The following ERC1 variants were observed in gnomAD, a reference collection of about 807,000 sequenced individuals.
ERC1 encodes RAB6 interacting protein 2.
In ERC1, 56 loss-of-function variants were observed where a neutral mutation model predicts 132.0. That is an observed-to-expected ratio of 0.42 (90% CI 0.34 to 0.53). The LOEUF is 0.53. Ranked by LOEUF, ERC1 falls within the 20% of genes least tolerant of loss-of-function variation. The pLI, the probability that ERC1 is intolerant of heterozygous loss-of-function variation, is 0.03. For missense variants in ERC1, 1,202 were observed against 1,349.9 expected, an observed-to-expected ratio of 0.89 and a Z score of 1.72; for synonymous variants, 478 against 476.1, an observed-to-expected ratio of 1.00 and a Z score of -0.05.
At chr12:1,017,493 G>C (rs982168305) in intron 1 of ERC1, among the ~76,000 whole-genome samples, 1 of 144,160 alleles carries the variant, frequency 6.9e-6, no homozygotes, top group African/African-American at 2.5e-5. Flanking sequence ...TGTTGTTCTG[G>C]TATTTTTTTT....
intron 7 of ERC1, among the ~76,000 whole-genome samples, chr12:1,130,973 A>G (rs1276984619): frequency 2.6e-5 from 4 of 152,180 alleles, no homozygotes; most frequent in African/African-American, 9.7e-5. Context: ...AAATTCAGTT[A>G]TTTAACTGTT....
chr12:1,184,632 A>T (rs1954866082), intron 11 of ERC1, among the ~76,000 whole-genome samples: 1 of 152,232 alleles, frequency 6.6e-6, no homozygotes, highest in African/African-American at 2.4e-5. Context: ...TTTATAGCTT[A>T]AGAATGTATA....
At chr12:1,023,831 A>G (rs1198771330) in intron 1 of ERC1, among the ~76,000 whole-genome samples, 1 of 152,180 alleles carries the variant, frequency 6.6e-6, no homozygotes, top group African/African-American at 2.4e-5. Context: ...TATTATAGAC[A>G]GAAGTTAAAA....
intron 7 of ERC1, among the ~76,000 whole-genome samples, chr12:1,135,876 G>C (rs771373458): frequency 1.3e-5 from 2 of 152,198 alleles, no homozygotes; most frequent in Admixed American, 6.5e-5. Flanking sequence ...TCCTTTGTTA[G>C]GGCAGTCCTA....
intron 17 of ERC1, among the ~76,000 whole-genome samples, chr12:1,419,635 G>T (rs2154399147): frequency 6.6e-6 from 1 of 151,750 alleles, no homozygotes; most frequent in East Asian, 1.9e-4. Context: ...AAAACCTTGT[G>T]AAAAACCAAA....
In ERC1 at chr12:1,010,926, C is replaced by T. The variant is rs533266944; in HGVS notation, c.-156-16822C>T. Among the ~76,000 whole-genome samples the T allele has an allele frequency of 8.5e-5, 13 of 152,286 alleles. No homozygotes were observed. The South Asian group carries it at 2.7e-3, about 32-fold the overall frequency. On this transcript the variant is annotated intron_variant, in intron 1 of 18. Coordinates refer to ENST00000360905, the MANE Select transcript of ERC1 (RefSeq NM_178040.4). ...CAGAAACATGTTTATAATGCGTACC[C>T]ATGCGTTATATACACAGTGTGTACT...
At chr12:1,095,355 G>C (rs1943881323) in intron 3 of ERC1, among the ~76,000 whole-genome samples, 1 of 149,870 alleles carries the variant, frequency 6.7e-6, no homozygotes, top group Non-Finnish European at 1.5e-5. Flanking sequence ...GCTTGAACTC[G>C]GGAGGTGGAG....
At chr12:1,061,914 A>G (rs1196996298) in intron 2 of ERC1, among the ~76,000 whole-genome samples, 1 of 150,322 alleles carries the variant, frequency 6.7e-6, no homozygotes, top group East Asian at 1.9e-4. Flanking sequence ...TTATTGCTGT[A>G]AACCCCCCTC....
chr12:1,017,648 G>A (rs1020550812), intron 1 of ERC1, among the ~76,000 whole-genome samples: 2 of 151,752 alleles, frequency 1.3e-5, no homozygotes, highest in South Asian at 2.1e-4. Context: ...AGAGGCGTGC[G>A]CTATCACACC....
intron 16 of ERC1, among the ~76,000 whole-genome samples, chr12:1,383,006 T>A (rs1399254302): frequency 6.6e-6 from 1 of 152,182 alleles, no homozygotes; most frequent in Non-Finnish European, 1.5e-5. Flanking sequence ...CTGTTGCATT[T>A]TTTTGTCGTC....
chr12:1,404,560 C>A (rs143046774), intron 16 of ERC1, among the ~76,000 whole-genome samples: 1 of 152,156 alleles, frequency 6.6e-6, no homozygotes, highest in East Asian at 1.9e-4. Flanking sequence ...TTTAGGAGTT[C>A]AGTTTCCTAC....
chr12:1,293,499 T>G (rs12424850), intron 15 of ERC1, among the ~76,000 whole-genome samples: 41 of 77,520 alleles, frequency 5.3e-4, no homozygotes, highest in South Asian at 1.1e-3. Flanking sequence ...CGTGGTGGCG[T>G]GCGCCTGTAA....
intron 8 of ERC1, among the ~76,000 whole-genome samples, chr12:1,165,241 G>T (rs904022919): frequency 1.3e-5 from 2 of 152,106 alleles, no homozygotes; most frequent in Non-Finnish European, 2.9e-5. Flanking sequence ...AAGAACCAGT[G>T]TGCTTGCTAC....
chr12:1,440,408 GT>G (rs1412780338), intron 17 of ERC1, among the ~76,000 whole-genome samples: 5 of 149,404 alleles, frequency 3.3e-5, no homozygotes, highest in East Asian at 4.0e-4. Context: ...GGGTTTCACC[GT>G]GTTAGCCAGG....
intron 1 of ERC1, among the ~76,000 whole-genome samples, chr12:1,024,477 C>T (rs1966799640): frequency 6.6e-6 from 1 of 152,142 alleles, no homozygotes; most frequent in African/African-American, 2.4e-5. Context: ...TGTGTGTTCA[C>T]ATTTTTGAGG....
At chr12:1,460,350 C>G (rs570738842) in intron 18 of ERC1, among the ~76,000 whole-genome samples, 3 of 152,224 alleles carry the variant, frequency 2.0e-5, no homozygotes, top group African/African-American at 7.2e-5. Flanking sequence ...ATAGCCAACC[C>G]CAAGGTAACA....
At chr12:1,096,602 T>C (rs1944073216) in intron 3 of ERC1, among the ~76,000 whole-genome samples, 1 of 152,214 alleles carries the variant, frequency 6.6e-6, no homozygotes, top group Non-Finnish European at 1.5e-5. Flanking sequence ...GCTGACGAGT[T>C]TGTCGTTTTA....
At chr12:1,069,571 A>G (rs1939941105) in intron 2 of ERC1, among the ~76,000 whole-genome samples, 3 of 152,190 alleles carry the variant, frequency 2.0e-5, no homozygotes, top group Non-Finnish European at 2.9e-5. Context: ...ATACATTGAT[A>G]TTATTCGTAT....
intron 2 of ERC1, among the ~76,000 whole-genome samples, chr12:1,078,132 A>G (rs1282935974): frequency 1.3e-5 from 2 of 152,326 alleles, no homozygotes; most frequent in Non-Finnish European, 1.5e-5. Flanking sequence ...ACTGTAGCCA[A>G]CATATATTTC....
Sources: allele counts gnomAD v4.1 joint callset (sites outside exome capture counted in the v4.1 genomes callset), GRCh38; gene constraint gnomAD v4.1.1; transcripts MANE v1.5; gene names NCBI Gene and HGNC (gene_info 2026-07-23, HGNC 2026-07-21).